Variants in VASH2 observed in about 807,000 individuals in gnomAD.
VASH2 encodes the protein vasohibin 2, also known as tubulinyl-Tyr carboxypeptidase 2.
A neutral mutation model predicts 37.2 loss-of-function variants in VASH2; 28 were observed. The observed-to-expected ratio is 0.75, with a 90% CI of 0.56 to 1.03. The LOEUF (loss-of-function observed/expected upper bound fraction) is 1.03. Among genes scored for constraint, VASH2 ranks in the 50% least tolerant of loss-of-function variants. VASH2 has a pLI of 0.00. For missense variants in VASH2, 419 were observed against 459.1 expected, an observed-to-expected ratio of 0.91 and a Z score of 0.80; for synonymous variants, 188 against 174.7, an observed-to-expected ratio of 1.08 and a Z score of -0.60.
At chr1:212,972,355 T>C (rs1461518647) in intron 5 of VASH2, among the ~76,000 whole-genome samples, 3 of 152,186 alleles carry the variant, frequency 2.0e-5, no homozygotes, top group African/African-American at 4.8e-5. Context: ...GACAAGTTTT[T>C]CTCTTTGTCT....
rs1162724077 is a variant in VASH2 at position 212,967,129 on chromosome 1, C to G, written c.497+784C>G. The G allele has an allele frequency of 3.1e-6, 4 of 1,304,406 alleles. No individual in the cohort carries two copies. In the African/African-American group the frequency reaches 6.1e-5, roughly 20 times the overall value. The allele number at this position is 1,304,406 out of a possible 1,614,324, so 80.8% of individuals were successfully genotyped here. On this transcript the variant is annotated intron_variant, in intron 5 of 7. Transcript: ENST00000517399. ...GACTTGACAGAACCCACAGCTAAAA[C>G]AAGGGTCTAGCTTCTCCCACACTTT...
chr1:212,968,845 G>A lies in VASH2; in HGVS notation c.497+2500G>A, dbSNP rs1666923880. ...ACAAGCCCAGGCCCTTCATGGGGTAGACAAGCTAACTTCAGACTCTTTGTT... is the reference window on the plus strand; with the variant it reads ...ACAAGCCCAGGCCCTTCATGGGGTAAACAAGCTAACTTCAGACTCTTTGTT... On this transcript the variant is annotated intron_variant, in intron 5 of 7. Transcript: ENST00000517399. The A allele has an allele frequency of 5.1e-6, 5 of 985,360 alleles. No homozygotes were observed. The Admixed American group carries it at 3.1e-4, about 61-fold the overall frequency. The allele number at this position is 985,360 out of a possible 1,614,324, so 61.0% of individuals were successfully genotyped here.
At chr1:212,967,032 A>C in intron 5 of VASH2, 5 of 1,155,788 alleles carry the variant, frequency 4.3e-6, no homozygotes, top group Non-Finnish European at 5.9e-6. Flanking sequence ...GGCAGGAGCC[A>C]TCGCGCCTGG....
At chr1:212,985,102 A>G (rs2102661672) in intron 7 of VASH2, among the ~76,000 whole-genome samples, 1 of 142,396 alleles carries the variant, frequency 7.0e-6, no homozygotes, top group East Asian at 2.0e-4. Flanking sequence ...GCTCACCGCA[A>G]CCTCCACCTC....
At chr1:212,958,438 C>T (rs1011931569) in intron 2 of VASH2, among the ~76,000 whole-genome samples, 5 of 152,188 alleles carry the variant, frequency 3.3e-5, no homozygotes, top group Non-Finnish European at 5.9e-5. Flanking sequence ...AGCCCTTGGG[C>T]GCCATCGGGT....
At chr1:212,987,307 G>A (rs1558154645) in intron 7 of VASH2, among the ~76,000 whole-genome samples, 1 of 150,768 alleles carries the variant, frequency 6.6e-6, no homozygotes, top group East Asian at 1.9e-4. Context: ...TGGGTGCGGT[G>A]GCTCACACCT....
At chr1:212,960,855 C>T (rs192558504) in intron 2 of VASH2, among the ~76,000 whole-genome samples, 4 of 152,330 alleles carry the variant, frequency 2.6e-5, no homozygotes, top group African/African-American at 9.6e-5. Flanking sequence ...GAACATAGTC[C>T]TTCGCATCAA....
rs2075840901 is a variant in VASH2 at position 212,989,920 on chromosome 1, A to C, written c.*1336A>C. The C allele has an allele frequency of 6.6e-6, 1 of 152,102 alleles. No homozygotes were observed. The highest frequency in any genetic ancestry group is 6.6e-5 in the Admixed American group (1 of 15,260). 9.4% of individuals were successfully genotyped at this position (152,102 alleles called of 1,614,324 possible). A position where few individuals can be genotyped will look rare whatever the true frequency, so the allele number is the denominator to read the frequency against. On this transcript the variant is annotated 3_prime_UTR_variant, in exon 8 of 8. Transcript: ENST00000517399. The stretch of plus-strand genomic sequence containing the variant: ...ATATCAAGAGTACAGCTTCAATTTC[A>C]TTTGCTTTATCTTAGCAACAATGCC...
chr1:212,960,191 G>C (rs1666631472), intron 2 of VASH2, among the ~76,000 whole-genome samples: 1 of 152,214 alleles, frequency 6.6e-6, no homozygotes, highest in South Asian at 2.1e-4. Flanking sequence ...CTAAATTCCT[G>C]AGAAGTGGGA....
chr1:212,955,102 C>T (rs1006971253), intron 2 of VASH2, among the ~76,000 whole-genome samples: 1 of 152,198 alleles, frequency 6.6e-6, no homozygotes. Flanking sequence ...AAATCAATAT[C>T]TTACTGAGGA....
At position 212,965,722 on chromosome 1, in the gene VASH2, A is replaced by G; in HGVS notation, c.366A>G (p.Gln122=). Residue 122 remains glutamine, a splice_region_variant and synonymous_variant, in exon 4 of 8, where the codon CAA becomes CAG. Coordinates refer to ENST00000517399, the MANE Select transcript of VASH2 (RefSeq NM_001301056.2). ...QAIQNYMKTL[Q]YNHTGTQFFE... is the part of the protein sequence containing the mutation. ...CTTTCCCTTTACATACTTTACACAG[A>G]TATAATCACACAGGGACCCAGTTCT... 2.6e-6 allele frequency: 4 copies of G among 1,551,756 alleles called. No homozygotes were observed. The highest frequency in any genetic ancestry group is 1.2e-5 in the South Asian group (1 of 84,056).
chr1:212,982,890 T>C (rs1398676938), intron 7 of VASH2, among the ~76,000 whole-genome samples: 1 of 152,198 alleles, frequency 6.6e-6, no homozygotes, highest in Non-Finnish European at 1.5e-5. Flanking sequence ...TGTTGATGCA[T>C]TCAGCTTAAT....
chr1:212,981,798 C>T (rs542446126), intron 7 of VASH2, among the ~76,000 whole-genome samples: 26 of 152,306 alleles, frequency 1.7e-4, no homozygotes, highest in African/African-American at 5.3e-4. Context: ...TTCCTCTCCT[C>T]GTCCTGTTTC....
At chr1:212,953,728 C>T (rs1206653082) in intron 2 of VASH2, among the ~76,000 whole-genome samples, 1 of 152,114 alleles carries the variant, frequency 6.6e-6, no homozygotes, top group Non-Finnish European at 1.5e-5. Flanking sequence ...TAAGTTCTTT[C>T]CAGCTCTAAA....
In VASH2 at chr1:212,989,773, T is replaced by C. The variant is rs1156733168; in HGVS notation, c.*1189T>C. On this transcript the variant is annotated 3_prime_UTR_variant, in exon 8 of 8. Transcript: ENST00000517399. Reference sequence around the variant, plus strand: ...AAGTCTTCGGTCCAGTGTTACACCTTATAGTGTAATTCAGTCCCTAAGCAC... The same window carrying C: ...AAGTCTTCGGTCCAGTGTTACACCTCATAGTGTAATTCAGTCCCTAAGCAC... 2 of 152,142 alleles carry C rather than the reference T, an allele frequency of 1.3e-5. No homozygotes were observed. The highest frequency in any genetic ancestry group is 4.8e-5 in the African/African-American group (2 of 41,444). 9.4% of individuals were successfully genotyped at this position (152,142 alleles called of 1,614,324 possible). A position where few individuals can be genotyped will look rare whatever the true frequency, so the allele number is the denominator to read the frequency against.
intron 7 of VASH2, among the ~76,000 whole-genome samples, chr1:212,979,697 G>A (rs573662004): frequency 3.3e-4 from 51 of 152,294 alleles, no homozygotes; most frequent in South Asian, 1.4e-3. Context: ...AGATGACTGC[G>A]TAGCATCCGC....
Position 212,989,522 on chromosome 1 carries a change from A to G in VASH2, c.*938A>G, listed in dbSNP as rs2075835916. The G allele has an allele frequency of 6.6e-6, 1 of 152,176 alleles. No individual in the cohort carries two copies. The highest frequency in any genetic ancestry group is 2.1e-4 in the South Asian group (1 of 4,826). The allele number at this position is 152,176 out of a possible 1,614,324, so 9.4% of individuals were successfully genotyped here. ...AACCTTTCTGTTCACATTTCATCTG[A>G]TTTTTAAACTGAGGCAGGCTTTGAT... On this transcript the variant is annotated 3_prime_UTR_variant, in exon 8 of 8. Transcript: ENST00000517399.
Position 212,966,010 on chromosome 1 carries a change from T to G in VASH2, c.422+232T>G. On this transcript the variant is annotated intron_variant, in intron 4 of 7. Coordinates refer to ENST00000517399, the MANE Select transcript of VASH2 (RefSeq NM_001301056.2). ...TCCAGGGTGGAGGAGGCTTGTAAACTCTGCCTCTCGAGGCTTCATTTATTT... is the reference window on the plus strand; with the variant it reads ...TCCAGGGTGGAGGAGGCTTGTAAACGCTGCCTCTCGAGGCTTCATTTATTT... 4 of 602,200 alleles carry G rather than the reference T, an allele frequency of 6.6e-6. No individual in the cohort carries two copies. The South Asian group carries it at 8.2e-5, about 12-fold the overall frequency. 37.3% of individuals were successfully genotyped at this position (602,200 alleles called of 1,614,324 possible).
At chr1:212,966,376 CT>C in intron 5 of VASH2, 31 bp downstream of exon 5, 1 of 1,540,602 alleles carries the variant, frequency 6.5e-7, no homozygotes, top group Non-Finnish European at 8.8e-7. Flanking sequence ...GCTTAGTTTA[CT>C]CCATAAATGG....
Sources: allele counts gnomAD v4.1 joint callset (sites outside exome capture counted in the v4.1 genomes callset), GRCh38; gene constraint gnomAD v4.1.1; transcripts MANE v1.5; gene names NCBI Gene and HGNC (gene_info 2026-07-23, HGNC 2026-07-21).